PDK2: variants seen among roughly 807,000 people sequenced by gnomAD.
The protein encoded by PDK2 is pyruvate dehydrogenase kinase, isozyme 2.
Under a neutral mutation model 50.4 loss-of-function variants are expected in PDK2, and 34 were observed. The observed-to-expected ratio is 0.68, with a 90% CI of 0.51 to 0.90. PDK2 has a LOEUF of 0.90. PDK2 is among the 40% of genes least tolerant of loss of function. PDK2 has a pLI of 0.00. For missense variants in PDK2, 377 were observed against 544.5 expected (o/e 0.69, Z 3.06); for synonymous variants, 232 against 216.0 (o/e 1.07, Z -0.65).
Position 50,108,651 on chromosome 17 carries a change from G to A in PDK2, c.901G>A (p.Glu301Lys), listed in dbSNP as rs774557525. 6.2e-7 allele frequency: 1 copy of A among 1,613,256 alleles called. No homozygotes were observed. The highest frequency in any genetic ancestry group is 8.5e-7 in the Non-Finnish European group (1 of 1,179,712). Residue 301 changes from glutamate to lysine, a missense_variant, in exon 9 of 11, where the codon GAG (glutamate) becomes AAG (lysine). Physicochemically the swap from Glu to Lys is moderately conservative, Grantham distance 56. This residue lies in a region of PDK2 where 214 missense variants were observed against 294.0 expected (regional missense o/e 0.73). Coordinates refer to ENST00000503176, the MANE Select transcript of PDK2 (RefSeq NM_002611.5). ...TGGGGGTGTTCCCTTGAGGAAGATT[G>A]AGCGACTCTTCAGCTACATGTACTC... ...RGGGVPLRKI[E>K]RLFSYMYSTA...
intron 3 of PDK2, 84 bp from the exon 4 acceptor site, chr17:50,105,801 C>A: frequency 6.6e-7 from 1 of 1,508,838 alleles, no homozygotes; most frequent in Non-Finnish European, 8.9e-7. Flanking sequence ...AAGGGTAGAG[C>A]GGGTGAAGAC....
chr17:50,099,532 G>A (rs1910110561), intron 2 of PDK2, among the ~76,000 whole-genome samples: 1 of 152,016 alleles, frequency 6.6e-6, no homozygotes. Context: ...GGTGGCTCAC[G>A]CCTGTAATCC....
intron 3 of PDK2, 81 bp from the exon 4 acceptor site, chr17:50,105,804 G>T: frequency 9.8e-6 from 15 of 1,525,470 alleles, no homozygotes; most frequent in Non-Finnish European, 1.2e-5. Context: ...GGTAGAGCGG[G>T]TGAAGACACC....
chr17:50,095,173 C>G, upstream of PDK2: 2 of 420,698 alleles, frequency 4.8e-6, no homozygotes. Flanking sequence ...CCCAAAACAA[C>G]AGGCCGCCCC....
intron 2 of PDK2, among the ~76,000 whole-genome samples, chr17:50,103,965 C>T (rs886944025): frequency 6.6e-6 from 1 of 152,134 alleles, no homozygotes; most frequent in African/African-American, 2.4e-5. Context: ...GGAATGAGTC[C>T]TCGTGTGGAG....
chr17:50,106,508 T>C, intron 4 of PDK2: 1 of 512,582 alleles, frequency 2.0e-6, no homozygotes, highest in South Asian at 2.7e-5. Context: ...TAGAATGTTA[T>C]AGTCAAAGAA....
At chr17:50,106,201 T>C in intron 4 of PDK2, 132 bp downstream of exon 4, 1 of 1,491,610 alleles carries the variant, frequency 6.7e-7, no homozygotes, top group South Asian at 1.3e-5. Context: ...GTTACTCCAG[T>C]AACTATGGAG....
At chr17:50,106,632 T>A in intron 4 of PDK2, 162 bp from the exon 5 acceptor site, 1 of 651,594 alleles carries the variant, frequency 1.5e-6, no homozygotes, top group Non-Finnish European at 2.7e-6. Context: ...GGGTCAGGGG[T>A]CAGGGAAGGG....
rs76669269 is a variant in PDK2, at chr17:50,098,259, C to G, written c.260+695C>G. On this transcript the variant is annotated intron_variant, in intron 2 of 10. Transcript: ENST00000503176. ...CTAATCCTCATTGACTTTGGTGGCA[C>G]CCTTGCAGAAATCTTGGGCTGGTTC... Among the ~76,000 whole-genome samples the G allele has an allele frequency of 4.4e-3, 666 of 152,320 alleles. 7 individuals carry two copies. The highest frequency in any genetic ancestry group is 0.015 in the African/African-American group (634 of 41,556).
At chr17:50,104,314 G>A (rs759462606) in intron 2 of PDK2, 4 of 152,282 alleles carry the variant, frequency 2.6e-5, no homozygotes, top group African/African-American at 4.8e-5. Context: ...GCAATAGAGC[G>A]ATCTCGGCTC....
Position 50,095,541 on chromosome 17 carries a change from T to A in PDK2, c.106T>A (p.Phe36Ile), listed in dbSNP as rs1424193668. ...CCCGTCCCCGCTGTCCATGAAGCAGTTTCTGGACTTCGGTACGGAGTGGGC... is the reference window on the plus strand; with the variant it reads ...CCCGTCCCCGCTGTCCATGAAGCAGATTCTGGACTTCGGTACGGAGTGGGC... The part of the protein sequence containing the change: ...FSPSPLSMKQ[F>I]LDFGSSNACE... Residue 36 changes from phenylalanine to isoleucine, a missense_variant, in exon 1 of 11, where the codon TTT becomes ATT. Phe to Ile is a conservative substitution (Grantham distance 21). Transcript: ENST00000503176. 6.2e-7 allele frequency: 1 copy of A among 1,605,078 alleles called. No homozygotes were observed. Among genetic ancestry groups the A allele is most frequent in the Admixed American group, 1.7e-5 (1 of 58,936 alleles).
In PDK2 at chr17:50,101,635, C is replaced by T. The variant is rs956950423; in HGVS notation, c.261-3736C>T. On this transcript the variant is annotated intron_variant, in intron 2 of 10. Transcript: ENST00000503176. This position sits in a 1 kb window ranked among gnomAD's most constrained non-coding sequence, Gnocchi z 4.2. ...ATGCACACAATTACACACACTCCCCCGCTGGCTCAGCACCCCCTCTGCTCC... is the reference window on the plus strand; with the variant it reads ...ATGCACACAATTACACACACTCCCCTGCTGGCTCAGCACCCCCTCTGCTCC... Among the ~76,000 whole-genome samples the T allele has an allele frequency of 2.0e-5, 3 of 152,170 alleles. No homozygotes were observed. Among genetic ancestry groups the T allele is most frequent in the Non-Finnish European group, 2.9e-5 (2 of 68,000 alleles).
rs535631481 is a variant in PDK2 at position 50,101,606 on chromosome 17, C to T, written c.261-3765C>T. 1.3e-4 allele frequency among the ~76,000 whole-genome samples: 20 copies of T among 152,294 alleles called. No individual in the cohort carries two copies. Among genetic ancestry groups the T allele is most frequent in the African/African-American group, 4.6e-4 (19 of 41,560 alleles). ...GCACACACCCACAGGCATGCACATGCCACATGCACACAATTACACACACTC... is the reference window on the plus strand; with the variant it reads ...GCACACACCCACAGGCATGCACATGTCACATGCACACAATTACACACACTC... On this transcript the variant is annotated intron_variant, in intron 2 of 10. Transcript: ENST00000503176. This position sits in a 1 kb window ranked among gnomAD's most constrained non-coding sequence, Gnocchi z 4.2.
intron 2 of PDK2, among the ~76,000 whole-genome samples, chr17:50,098,304 T>C (rs1244928277): frequency 6.6e-6 from 1 of 152,172 alleles, no homozygotes; most frequent in African/African-American, 2.4e-5. Flanking sequence ...TGCAGTATGA[T>C]ATAGTTGTGA....
Position 50,101,197 on chromosome 17 carries a change from C to A in PDK2, c.260+3633C>A, listed in dbSNP as rs1261641630. 1 of 152,170 alleles carries A rather than the reference C, an allele frequency of 6.6e-6. No homozygotes were observed. Among genetic ancestry groups the A allele is most frequent in the Non-Finnish European group, 1.5e-5 (1 of 68,048 alleles). The allele number at this position is 152,170 out of a possible 1,614,324, so 9.4% of individuals were successfully genotyped here. ...CTTGCCCGTCAGCAAGGTGTGTGGA[C>A]CCCATACAGGGGGTGTGGCTTGGGT... On this transcript the variant is annotated intron_variant, in intron 2 of 10. Coordinates refer to ENST00000503176, the MANE Select transcript of PDK2 (RefSeq NM_002611.5). This position sits in a 1 kb window ranked among gnomAD's most constrained non-coding sequence, Gnocchi z 4.2.
chr17:50,098,229 A>C (rs942880323), intron 2 of PDK2, among the ~76,000 whole-genome samples: 1 of 152,216 alleles, frequency 6.6e-6, no homozygotes, highest in African/African-American at 2.4e-5. Context: ...TGGGCATGTA[A>C]ATAGCTAATC....
intron 2 of PDK2, chr17:50,098,576 C>T (rs1910065115): frequency 6.6e-6 from 1 of 152,214 alleles, no homozygotes. Flanking sequence ...TCACTTGACA[C>T]TTGCAAAATG....
intron 1 of PDK2, 60 bp downstream of exon 1, chr17:50,095,613 C>G (rs1007101882): frequency 4.6e-4 from 694 of 1,516,224 alleles, no homozygotes; most frequent in Non-Finnish European, 6.0e-4. Context: ...GGAGGGGCAG[C>G]CGGGGGCTAG....
chr17:50,106,719 G>A, intron 4 of PDK2, 75 bp from the exon 5 acceptor site: 1 of 1,259,266 alleles, frequency 7.9e-7, no homozygotes, highest in Non-Finnish European at 1.2e-6. Context: ...AGAAAGAGGA[G>A]GAAAGCCCGG....
Sources: gnomAD v4.1 joint callset for allele counts (sites outside exome capture counted in the v4.1 genomes callset) on GRCh38, gnomAD v4.1.1 for gene constraint, gnomAD v4.1.1 regional missense constraint, Gnocchi (gnomAD v3.1) non-coding constraint, MANE v1.5 for transcripts, NCBI Gene and HGNC (gene_info 2026-07-23, HGNC 2026-07-21) for gene names.